The following ANKRD11 variants were observed in gnomAD, a reference collection of about 807,000 sequenced individuals.
ANKRD11 encodes ankyrin repeat domain 11, also known as ankyrin repeat domain-containing protein 11.
In ANKRD11, 17 loss-of-function variants were observed where a neutral mutation model predicts 195.7. The ratio of observed to expected loss-of-function variants is 0.09; its 90% CI spans 0.06 to 0.13. The LOEUF (loss-of-function observed/expected upper bound fraction) is 0.13. Ranked by LOEUF, ANKRD11 falls within the 10% of genes least tolerant of loss-of-function variation. The pLI is 1.00. For synonymous variants in ANKRD11, 1,953 were observed against 1,528.1 expected, an observed-to-expected ratio of 1.28 and a Z score of -6.49; for missense variants, 3,735 against 3,566.1, an observed-to-expected ratio of 1.05 and a Z score of -1.21.
Position 89,304,609 on chromosome 16 carries a change from C to G in ANKRD11, c.226+597G>C, listed in dbSNP as rs180693246. Reference sequence around the variant, plus strand: ...GTACATACACACACGGGCACACACACGGGCATACATACAGGCACACACATG... The same window carrying G: ...GTACATACACACACGGGCACACACAGGGGCATACATACAGGCACACACATG... On this transcript the variant is annotated intron_variant, in intron 4 of 12. Transcript: ENST00000301030. 4.3e-4 allele frequency among the ~76,000 whole-genome samples: 65 copies of G among 151,560 alleles called. 1 individual carries two copies. Among genetic ancestry groups the G allele is most frequent in the Admixed American group, 4.2e-3 (64 of 15,216 alleles).
intron 2 of ANKRD11, among the ~76,000 whole-genome samples, chr16:89,388,293 A>ATTTATTT (rs2041016384): frequency 1.2e-5 from 1 of 85,266 alleles, no homozygotes; most frequent in Non-Finnish European, 2.3e-5. Flanking sequence ...CATGAGGCTG[A>ATTTATTT]TTTTTTTTTT....
chr16:89,394,970 T>G (rs1039556235), intron 2 of ANKRD11, among the ~76,000 whole-genome samples: 4 of 152,200 alleles, frequency 2.6e-5, no homozygotes, highest in Non-Finnish European at 5.9e-5. Flanking sequence ...GAGAACCCCC[T>G]GTTAAAAAGA....
At chr16:89,319,703 T>C (rs1276652651) in intron 2 of ANKRD11, among the ~76,000 whole-genome samples, 2 of 152,376 alleles carry the variant, frequency 1.3e-5, no homozygotes, top group South Asian at 2.1e-4. Context: ...ATCTGCTGGA[T>C]GTGGATGAAG....
intron 1 of ANKRD11, among the ~76,000 whole-genome samples, chr16:89,490,014 C>A (rs1415331538): frequency 1.3e-5 from 2 of 148,186 alleles, no homozygotes; most frequent in South Asian, 4.2e-4. Context: ...CCCCCAAAGA[C>A]CCCCGGCTGC....
rs111388250 is a variant in ANKRD11 at position 89,389,939 on chromosome 16, G to A, written c.-60+28345C>T. Among the ~76,000 whole-genome samples, 89 of 88,584 alleles carry A rather than the reference G, an allele frequency of 1.0e-3. 3 individuals are homozygous for A. Among genetic ancestry groups the A allele is most frequent in the African/African-American group, 4.1e-3 (81 of 19,846 alleles). The allele number at this position is 88,584 out of a possible 152,430, so 58.1% of individuals were successfully genotyped here. A position where few individuals can be genotyped will look rare whatever the true frequency, so the allele number is the denominator to read the frequency against. ...CTGGGGCGAACACCGAGTGTGGCGG[G>A]GAGCACCGAGAGAGAAGATCACTGG... On this transcript the variant is annotated intron_variant, in intron 2 of 12. Coordinates refer to ENST00000301030, the MANE Select transcript of ANKRD11 (RefSeq NM_013275.6).
chr16:89,318,635 C>T (rs925502814), intron 2 of ANKRD11, among the ~76,000 whole-genome samples: 10 of 152,236 alleles, frequency 6.6e-5, no homozygotes, highest in African/African-American at 2.4e-4. Flanking sequence ...CGTTGCATGC[C>T]ACCTGCCCCT....
At chr16:89,278,654 G>A (rs932221481) in intron 9 of ANKRD11, 12 of 465,390 alleles carry the variant, frequency 2.6e-5, no homozygotes, top group Middle Eastern at 3.5e-4. Flanking sequence ...AGGTATGGAG[G>A]CTCAGGGAAC....
chr16:89,453,075 C>T (rs559928849), intron 1 of ANKRD11, among the ~76,000 whole-genome samples: 68 of 152,286 alleles, frequency 4.5e-4, no homozygotes, highest in African/African-American at 1.5e-3. Flanking sequence ...TGTAAGCCAC[C>T]ACGCCCGGCT....
chr16:89,388,914 G>A (rs970056067), intron 2 of ANKRD11, among the ~76,000 whole-genome samples: 1 of 152,164 alleles, frequency 6.6e-6, no homozygotes, highest in Non-Finnish European at 1.5e-5. Flanking sequence ...AGGTTCCAAG[G>A]AACTATGTGG....
intron 1 of ANKRD11, among the ~76,000 whole-genome samples, chr16:89,481,168 C>T (rs1275611634): frequency 6.6e-6 from 1 of 152,168 alleles, no homozygotes; most frequent in Non-Finnish European, 1.5e-5. Flanking sequence ...TTTTCCAAGT[C>T]TTTTTAATGA....
intron 4 of ANKRD11, among the ~76,000 whole-genome samples, chr16:89,304,374 ACACACATGCAAACG>A (rs2036038239): frequency 6.6e-6 from 1 of 151,056 alleles, no homozygotes; most frequent in Non-Finnish European, 1.5e-5. Context: ...ATGCACATGC[ACACACATGCAAACG>A]CACACATGGG....
At position 89,349,134 on chromosome 16, in the gene ANKRD11, T is replaced by TAAAAAAAAAAAAAA. The variant is rs59621400; in HGVS notation, c.-59-32070_-59-32057dup. On this transcript the variant is annotated intron_variant, in intron 2 of 12. Coordinates refer to ENST00000301030, the MANE Select transcript of ANKRD11 (RefSeq NM_013275.6). ...CAGAGTAAAACACTGTCTCAAAAAG[T>TAAAAAAAAAAAAAA]AAAAAAAAAAAAAAAAAAAAAAAAA... Among the ~76,000 whole-genome samples, 85 of 16,574 alleles carry TAAAAAAAAAAAAAA rather than the reference T, an allele frequency of 5.1e-3. 3 individuals carry two copies. Among genetic ancestry groups the TAAAAAAAAAAAAAA allele is most frequent in the Admixed American group, 6.8e-3 (5 of 738 alleles). The allele number at this position is 16,574 out of a possible 152,430, so 10.9% of individuals were successfully genotyped here.
chr16:89,297,057 C>T (rs767199944), intron 4 of ANKRD11, among the ~76,000 whole-genome samples: 2 of 152,010 alleles, frequency 1.3e-5, no homozygotes, highest in Non-Finnish European at 2.9e-5. Context: ...CCTCTACCTC[C>T]CTGGGAGGTC....
At chr16:89,348,731 A>G (rs1336100945) in intron 2 of ANKRD11, among the ~76,000 whole-genome samples, 1 of 152,194 alleles carries the variant, frequency 6.6e-6, no homozygotes, top group Non-Finnish European at 1.5e-5. Flanking sequence ...ATTTATTGGC[A>G]TAAAGTTAAC....
chr16:89,442,021 G>A (rs1027397109), intron 1 of ANKRD11, among the ~76,000 whole-genome samples: 1 of 152,154 alleles, frequency 6.6e-6, no homozygotes, highest in African/African-American at 2.4e-5. Flanking sequence ...CAAAATCAGG[G>A]TTAGCTGTGA....
chr16:89,338,251 C>T (rs1337782451), intron 2 of ANKRD11, among the ~76,000 whole-genome samples: 2 of 152,090 alleles, frequency 1.3e-5, no homozygotes, highest in East Asian at 1.9e-4. Flanking sequence ...CATGTGCTGC[C>T]ATGAGCGCCA....
intron 1 of ANKRD11, among the ~76,000 whole-genome samples, chr16:89,466,163 C>T (rs1484350275): frequency 2.6e-5 from 4 of 152,156 alleles, no homozygotes; most frequent in African/African-American, 9.7e-5. Context: ...AACACCAGAG[C>T]GCATGCAGCC....
In ANKRD11 at chr16:89,285,963, C is replaced by T; in HGVS notation, c.892+76G>A. 1.9e-6 allele frequency: 3 copies of T among 1,607,862 alleles called. No individual in the cohort carries two copies. Among genetic ancestry groups the T allele is most frequent in the Non-Finnish European group, 2.6e-6 (3 of 1,176,444 alleles). ...GAGGAGGAGCTGATCAGAGGGGCAA[C>T]ACTGTGCAAACACCACAGGGCAGCT... On this transcript the variant is annotated intron_variant, in intron 8 of 12. Coordinates refer to ENST00000301030, the MANE Select transcript of ANKRD11 (RefSeq NM_013275.6). This position sits in a 1 kb window ranked among gnomAD's most constrained non-coding sequence, Gnocchi z 5.6.
chr16:89,276,433 T>C (rs929512231), intron 9 of ANKRD11, among the ~76,000 whole-genome samples: 9 of 152,138 alleles, frequency 5.9e-5, no homozygotes, highest in Non-Finnish European at 1.3e-4. Context: ...AGACTTCAAC[T>C]CATGGTGGAC....
Sources: gnomAD v4.1 joint callset for allele counts (sites outside exome capture counted in the v4.1 genomes callset) on GRCh38, gnomAD v4.1.1 for gene constraint, Gnocchi (gnomAD v3.1) non-coding constraint, MANE v1.5 for transcripts, NCBI Gene and HGNC (gene_info 2026-07-23, HGNC 2026-07-21) for gene names.